Variants in RBFOX1 observed in about 807,000 individuals in gnomAD.
RBFOX1 encodes RNA binding fox-1 homolog 1, also known as RNA binding protein fox-1 homolog 1.
A neutral mutation model predicts 57.7 loss-of-function variants in RBFOX1; 8 were observed. That is an observed-to-expected ratio of 0.14 (90% confidence interval 0.08 to 0.25). RBFOX1 has a LOEUF of 0.25. RBFOX1 is among the 10% of genes least tolerant of loss of function. RBFOX1 has a pLI of 1.00. For missense variants in RBFOX1, 611 were observed against 548.5 expected (o/e 1.11, Z -1.14); for synonymous variants, 326 against 222.4 (o/e 1.47, Z -4.15).
At position 7,071,570 on chromosome 16, in the gene RBFOX1, C is replaced by T. The variant is rs184499753; in HGVS notation, c.27+19472C>T. ...TTGTTGGGGTCACAACTGACCCCAA[C>T]ACTAATTTGCCCAGATATGTGTGTG... On this transcript the variant is annotated intron_variant, in intron 4 of 15. Transcript: ENST00000550418. Among the ~76,000 whole-genome samples, 159 of 146,416 alleles carry T rather than the reference C, an allele frequency of 1.1e-3. 1 individual carries two copies. Among genetic ancestry groups the T allele is most frequent in the African/African-American group, 3.8e-3 (149 of 39,420 alleles).
chr16:6,198,699 G>C (rs549515982), intron 1 of RBFOX1, among the ~76,000 whole-genome samples: 2 of 152,286 alleles, frequency 1.3e-5, no homozygotes, highest in African/African-American at 4.8e-5. Flanking sequence ...AGTCGAGTTA[G>C]AAGTGGGTTG....
chr16:5,290,043 A>G (rs1490725201), intron 1 of RBFOX1, among the ~76,000 whole-genome samples: 1 of 152,256 alleles, frequency 6.6e-6, no homozygotes, highest in Admixed American at 6.5e-5. Flanking sequence ...TTCAGTCATC[A>G]AAAGGAATGA....
At chr16:5,698,818 A>G (rs533708723) in intron 3 of RBFOX1, among the ~76,000 whole-genome samples, 1 of 152,324 alleles carries the variant, frequency 6.6e-6, no homozygotes, top group Non-Finnish European at 1.5e-5. Context: ...AACCTTGAAT[A>G]CTTTGTTTTT....
intron 3 of RBFOX1, among the ~76,000 whole-genome samples, chr16:7,025,272 G>C (rs1292586454): frequency 1.3e-5 from 2 of 152,118 alleles, no homozygotes; most frequent in Non-Finnish European, 2.9e-5. Flanking sequence ...CATGGTGTTT[G>C]GAAACTATCA....
At chr16:5,905,868 C>T (rs146783806) in intron 4 of RBFOX1, among the ~76,000 whole-genome samples, 3 of 152,190 alleles carry the variant, frequency 2.0e-5, no homozygotes, top group African/African-American at 7.2e-5. Context: ...CTCCGGAAGC[C>T]TTCCTAATTT....
chr16:7,293,798 C>A (rs1171027223), intron 4 of RBFOX1, among the ~76,000 whole-genome samples: 1 of 152,120 alleles, frequency 6.6e-6, no homozygotes, highest in East Asian at 1.9e-4. Context: ...TACATCGTTC[C>A]TAGCTCACCT....
intron 3 of RBFOX1, among the ~76,000 whole-genome samples, chr16:6,802,510 C>G (rs2085724029): frequency 1.3e-5 from 2 of 152,096 alleles, no homozygotes; most frequent in Non-Finnish European, 2.9e-5. Flanking sequence ...AACCCTGTCT[C>G]TACTTAAAAT....
chr16:6,937,249 C>G (rs940724435), intron 3 of RBFOX1, among the ~76,000 whole-genome samples: 2 of 151,824 alleles, frequency 1.3e-5, no homozygotes, highest in Non-Finnish European at 2.9e-5. Flanking sequence ...ACTCAGATAC[C>G]CAGATTCAAC....
intron 3 of RBFOX1, among the ~76,000 whole-genome samples, chr16:6,872,410 G>T (rs189456396): frequency 1.3e-5 from 2 of 150,538 alleles, no homozygotes; most frequent in Admixed American, 1.3e-4. Flanking sequence ...TTTTTTAATC[G>T]ATCACCTTTT....
At chr16:7,172,270 C>T (rs796778632) in intron 4 of RBFOX1, among the ~76,000 whole-genome samples, 1 of 152,050 alleles carries the variant, frequency 6.6e-6, no homozygotes, top group African/African-American at 2.4e-5. Flanking sequence ...TTTCAAACCC[C>T]ATCAAAAAAA....
At chr16:6,427,600 A>C (rs1002084382) in intron 2 of RBFOX1, among the ~76,000 whole-genome samples, 4 of 152,174 alleles carry the variant, frequency 2.6e-5, no homozygotes, top group African/African-American at 9.7e-5. Flanking sequence ...AAAGAGTAAA[A>C]ATGTTGAGGA....
At chr16:5,682,373 TGTG>T (rs2050368124) in intron 3 of RBFOX1, among the ~76,000 whole-genome samples, 1 of 152,170 alleles carries the variant, frequency 6.6e-6, no homozygotes, top group African/African-American at 2.4e-5. Flanking sequence ...CTGGTTAAAA[TGTG>T]GTAATCGATG....
intron 5 of RBFOX1, among the ~76,000 whole-genome samples, chr16:7,541,043 G>T (rs931389461): frequency 6.6e-6 from 1 of 152,154 alleles, no homozygotes; most frequent in African/African-American, 2.4e-5. Context: ...GACCCAGAAT[G>T]TTTCCTTTTA....
At chr16:7,217,357 C>T (rs995162450) in intron 4 of RBFOX1, among the ~76,000 whole-genome samples, 3 of 138,612 alleles carry the variant, frequency 2.2e-5, no homozygotes, top group Admixed American at 1.6e-4. Flanking sequence ...TGTTGAACTC[C>T]TGACCTTAGG....
chr16:7,092,399 C>A (rs2061004519), intron 4 of RBFOX1, among the ~76,000 whole-genome samples: 1 of 152,206 alleles, frequency 6.6e-6, no homozygotes, highest in African/African-American at 2.4e-5. Context: ...AAAATGAGAT[C>A]ACACTGCTTT....
chr16:7,371,780 T>C (rs930225217), intron 4 of RBFOX1, among the ~76,000 whole-genome samples: 2 of 152,184 alleles, frequency 1.3e-5, no homozygotes, highest in East Asian at 1.9e-4. Flanking sequence ...TGTAGATATA[T>C]GATACATACA....
chr16:6,352,596 C>T (rs577526667), intron 2 of RBFOX1, among the ~76,000 whole-genome samples: 162 of 152,254 alleles, frequency 1.1e-3, no homozygotes, highest in Non-Finnish European at 1.9e-3. Flanking sequence ...CAAACAAAAT[C>T]GTCTATTTAT....
At chr16:6,883,511 CTTG>C (rs1042521112) in intron 3 of RBFOX1, among the ~76,000 whole-genome samples, 4 of 152,214 alleles carry the variant, frequency 2.6e-5, no homozygotes, top group African/African-American at 9.6e-5. Flanking sequence ...TTACTTATAA[CTTG>C]TTGTGTAAAG....
intron 2 of RBFOX1, among the ~76,000 whole-genome samples, chr16:5,497,622 C>CAAAAAAAAAAAAAAAAAAAAAAAAAAAA (rs911723996): frequency 1.3e-4 from 7 of 53,408 alleles, no homozygotes; most frequent in East Asian, 1.2e-3. Flanking sequence ...ACTAAAAATA[C>CAAAAAAAAAAAAAAAAAAAAAAAAAAAA]AAAAAAAAAA....
Sources: allele counts gnomAD v4.1 joint callset (sites outside exome capture counted in the v4.1 genomes callset), GRCh38; gene constraint gnomAD v4.1.1; transcripts MANE v1.5; gene names NCBI Gene and HGNC (gene_info 2026-07-23, HGNC 2026-07-21).